The following NEK10 variants were observed in gnomAD, a reference collection of about 807,000 sequenced individuals.
NEK10 encodes the protein serine/threonine-protein kinase Nek10.
Under a neutral mutation model 159.8 loss-of-function variants are expected in NEK10, and 122 were observed. The ratio of observed to expected loss-of-function variants is 0.76; its 90% CI spans 0.66 to 0.89. NEK10 has a LOEUF of 0.89. Among genes scored for constraint, NEK10 ranks in the 40% least tolerant of loss-of-function variants. NEK10 has a pLI of 0.00. For missense variants in NEK10, 1,342 were observed against 1,323.1 expected (o/e 1.01, Z -0.22); for synonymous variants, 466 against 457.1 (o/e 1.02, Z -0.25).
At chr3:27,172,308 C>A (rs1407788360) in intron 28 of NEK10, among the ~76,000 whole-genome samples, 5 of 126,636 alleles carry the variant, frequency 3.9e-5, no homozygotes, top group Non-Finnish European at 7.8e-5. Flanking sequence ...GCACTCCAGC[C>A]TGGTGACAGA....
intron 30 of NEK10, among the ~76,000 whole-genome samples, chr3:27,157,178 G>C (rs1305911563): frequency 6.6e-6 from 1 of 151,468 alleles, no homozygotes; most frequent in Non-Finnish European, 1.5e-5. Flanking sequence ...GGGGACTTGG[G>C]GGGAAGAGTG....
intron 5 of NEK10, among the ~76,000 whole-genome samples, chr3:27,340,813 T>C (rs1406223138): frequency 6.6e-6 from 1 of 152,050 alleles, no homozygotes; most frequent in Non-Finnish European, 1.5e-5. Context: ...AAAATAAAAA[T>C]AGAACCACAT....
At chr3:27,169,382 C>A in intron 29 of NEK10, among the ~76,000 whole-genome samples, 1 of 152,122 alleles carries the variant, frequency 6.6e-6, no homozygotes, top group East Asian at 1.9e-4. Context: ...CTTTCCCCTG[C>A]CCTCCCCATT....
intron 32 of NEK10, among the ~76,000 whole-genome samples, chr3:27,129,648 A>G (rs1449101995): frequency 6.6e-6 from 1 of 152,146 alleles, no homozygotes; most frequent in African/African-American, 2.4e-5. Flanking sequence ...TATTATACAG[A>G]ATATATATTA....
rs2044744848 is a variant in NEK10, at chr3:27,312,111, C to A, written c.556G>T (p.Val186Phe). ...CAATAACACTTACATGTCATGTTGA[C>A]CAGCTTGTCCACAGTGTGCTGCTCT... The part of the protein sequence containing the change: ...GEEQHTVDKL[V>F]NMTYIFQKLA... The change falls in exon 8 of 36, where the codon GTC (valine) becomes TTC (phenylalanine). Residue 186 changes from valine (V) to phenylalanine (F), a missense_variant. Transcript: ENST00000691995. 1 of 1,611,130 alleles carries A rather than the reference C, an allele frequency of 6.2e-7. No homozygotes were observed. Among genetic ancestry groups the A allele is most frequent in the African/African-American group, 1.3e-5 (1 of 74,988 alleles).
At position 27,314,354 on chromosome 3, in the gene NEK10, C is replaced by G; in HGVS notation, c.448-16G>C. 2 of 1,544,466 alleles carry G rather than the reference C, an allele frequency of 1.3e-6. No individual in the cohort carries two copies. The highest frequency in any genetic ancestry group is 1.8e-6 in the Non-Finnish European group (2 of 1,123,338). On this transcript the variant is annotated splice_polypyrimidine_tract_variant and intron_variant, in intron 6 of 35. Transcript: ENST00000691995. ...GGAGTATTTCCTAATAAAATAAAAGCAACAAAACACATGTAAATGATGAGG... is the reference window on the plus strand; with the variant it reads ...GGAGTATTTCCTAATAAAATAAAAGGAACAAAACACATGTAAATGATGAGG...
intron 32 of NEK10, among the ~76,000 whole-genome samples, chr3:27,127,782 G>C (rs180808826): frequency 6.6e-6 from 1 of 152,212 alleles, no homozygotes; most frequent in African/African-American, 2.4e-5. Flanking sequence ...AAGTCAGGAA[G>C]AAATAATTCC....
At chr3:27,180,414 A>C (rs1575129183) in intron 26 of NEK10, among the ~76,000 whole-genome samples, 1 of 105,756 alleles carries the variant, frequency 9.5e-6, no homozygotes, top group Non-Finnish European at 1.8e-5. Flanking sequence ...AGACAAGGGA[A>C]GGGAAGGGGA....
chr3:27,154,594 C>G (rs1385402438), intron 30 of NEK10, among the ~76,000 whole-genome samples: 1 of 152,094 alleles, frequency 6.6e-6, no homozygotes, highest in African/African-American at 2.4e-5. Context: ...AAAAGACAGT[C>G]CACGATAATC....
intron 22 of NEK10, among the ~76,000 whole-genome samples, chr3:27,266,358 A>G (rs1410686308): frequency 6.6e-6 from 1 of 152,166 alleles, no homozygotes; most frequent in African/African-American, 2.4e-5. Context: ...ATTTTTATAT[A>G]AGATACAATA....
At chr3:27,120,362 C>T (rs1351356769) in intron 32 of NEK10, among the ~76,000 whole-genome samples, 1 of 150,324 alleles carries the variant, frequency 6.7e-6, no homozygotes, top group East Asian at 1.9e-4. Context: ...CTCACTCTGT[C>T]GCCCAGGCTG....
At chr3:27,234,971 A>G (rs1438856373) in intron 23 of NEK10, among the ~76,000 whole-genome samples, 1 of 152,094 alleles carries the variant, frequency 6.6e-6, no homozygotes, top group Non-Finnish European at 1.5e-5. Flanking sequence ...CACACCTACA[A>G]CCATCTGATG....
intron 30 of NEK10, among the ~76,000 whole-genome samples, chr3:27,154,294 T>G (rs1463698086): frequency 6.6e-6 from 1 of 152,150 alleles, no homozygotes; most frequent in East Asian, 1.9e-4. Flanking sequence ...GCAGTGAGAC[T>G]GAAATGGTAA....
chr3:27,332,612 TAA>T (rs1214470387), intron 5 of NEK10, among the ~76,000 whole-genome samples: 13 of 152,226 alleles, frequency 8.5e-5, no homozygotes, highest in Admixed American at 5.2e-4. Context: ...CACAAATACA[TAA>T]TATTTGCCTT....
chr3:27,157,672 G>C (rs939526945), intron 30 of NEK10, among the ~76,000 whole-genome samples: 1 of 152,170 alleles, frequency 6.6e-6, no homozygotes, highest in Non-Finnish European at 1.5e-5. Flanking sequence ...AGCAGCAGTA[G>C]GTTTCAGGGG....
chr3:27,308,546 T>A (rs962243908), intron 10 of NEK10, among the ~76,000 whole-genome samples: 23 of 152,176 alleles, frequency 1.5e-4, no homozygotes, highest in Middle Eastern at 3.4e-3. Context: ...TTCTTGAAAA[T>A]TTTTCAAAGC....
chr3:27,224,296 T>C (rs1366242209), intron 23 of NEK10, among the ~76,000 whole-genome samples: 2 of 152,236 alleles, frequency 1.3e-5, no homozygotes, highest in African/African-American at 4.8e-5. Flanking sequence ...AGGGCTGGCT[T>C]CCAGCATGAG....
chr3:27,111,796 T>G (rs1031764979), intron 35 of NEK10, among the ~76,000 whole-genome samples: 1 of 152,184 alleles, frequency 6.6e-6, no homozygotes, highest in African/African-American at 2.4e-5. Context: ...TATTCATGAC[T>G]CAAATGATTT....
intron 23 of NEK10, among the ~76,000 whole-genome samples, chr3:27,225,302 A>C (rs201757705): frequency 5.2e-4 from 77 of 148,876 alleles, no homozygotes; most frequent in South Asian, 2.4e-3. Context: ...TTCCCAGCCC[A>C]CTGACTCAAA....
Sources: gnomAD v4.1 joint callset for allele counts (sites outside exome capture counted in the v4.1 genomes callset) on GRCh38, gnomAD v4.1.1 for gene constraint, MANE v1.5 for transcripts, NCBI Gene and HGNC (gene_info 2026-07-23, HGNC 2026-07-21) for gene names.